The following RNF144A variants were observed in gnomAD, a reference collection of about 807,000 sequenced individuals.
RNF144A encodes the protein E3 ubiquitin-protein ligase RNF144A.
Under a neutral mutation model 38.7 loss-of-function variants are expected in RNF144A, and 11 were observed. The ratio of observed to expected loss-of-function variants is 0.28; its 90% CI spans 0.18 to 0.47. The LOEUF (loss-of-function observed/expected upper bound fraction) is 0.47. Ranked by LOEUF, RNF144A falls within the 20% of genes least tolerant of loss-of-function variation. RNF144A has a pLI of 0.99. For missense variants in RNF144A, 316 were observed against 377.2 expected (o/e 0.84, Z 1.34); for synonymous variants, 149 against 143.9 (o/e 1.04, Z -0.25).
At chr2:6,983,615 C>CA (rs1387523509) in intron 2 of RNF144A, among the ~76,000 whole-genome samples, 1 of 152,156 alleles carries the variant, frequency 6.6e-6, no homozygotes, top group Non-Finnish European at 1.5e-5. Context: ...CCTGACCTCT[C>CA]ACCCACTCTC....
intron 1 of RNF144A, among the ~76,000 whole-genome samples, chr2:6,939,220 A>G (rs1665807438): frequency 6.6e-6 from 1 of 152,146 alleles, no homozygotes; most frequent in Non-Finnish European, 1.5e-5. Context: ...AAGGGTTCAC[A>G]TTTCTCCACA....
intron 2 of RNF144A, among the ~76,000 whole-genome samples, chr2:6,957,858 AG>A (rs1210685693): frequency 6.6e-6 from 1 of 152,212 alleles, no homozygotes; most frequent in Non-Finnish European, 1.5e-5. Flanking sequence ...ATTGCCTTGC[AG>A]GGACTGTGGG....
At chr2:6,923,482 GA>G (rs1664670326) in intron 1 of RNF144A, among the ~76,000 whole-genome samples, 1 of 152,202 alleles carries the variant, frequency 6.6e-6, no homozygotes, top group South Asian at 2.1e-4. Context: ...TTCCAGGGCT[GA>G]TCTCAGCAGC....
At chr2:6,956,816 A>G (rs1306020129) in intron 2 of RNF144A, among the ~76,000 whole-genome samples, 11 of 152,244 alleles carry the variant, frequency 7.2e-5, no homozygotes, top group Admixed American at 7.2e-4. Context: ...TACATATGCT[A>G]CAAAAAATAT....
At chr2:6,919,099 C>A (rs1465526812) in intron 1 of RNF144A, among the ~76,000 whole-genome samples, 1 of 151,624 alleles carries the variant, frequency 6.6e-6, no homozygotes, top group Non-Finnish European at 1.5e-5. Context: ...CTGTGGGAGC[C>A]CCCAGGAGGG....
intron 2 of RNF144A, among the ~76,000 whole-genome samples, chr2:6,973,757 A>T (rs928701463): frequency 7.9e-5 from 12 of 152,214 alleles, no homozygotes; most frequent in Admixed American, 7.2e-4. Context: ...CATATGGTCC[A>T]TGGGCCAAAT....
At chr2:6,963,134 T>C (rs1322080905) in intron 2 of RNF144A, among the ~76,000 whole-genome samples, 1 of 152,180 alleles carries the variant, frequency 6.6e-6, no homozygotes, top group South Asian at 2.1e-4. Context: ...AGAGAGAGAC[T>C]GAGACCTGAA....
At chr2:6,967,029 C>T (rs1016953403) in intron 2 of RNF144A, among the ~76,000 whole-genome samples, 11 of 152,124 alleles carry the variant, frequency 7.2e-5, no homozygotes, top group African/African-American at 1.7e-4. Flanking sequence ...TTACAGCCAT[C>T]GACGCAAACC....
At chr2:7,030,533 G>C (rs1289429701) in intron 8 of RNF144A, among the ~76,000 whole-genome samples, 2 of 152,070 alleles carry the variant, frequency 1.3e-5, no homozygotes, top group South Asian at 2.1e-4. Context: ...ATGACCTGCT[G>C]ACCGTGTTTA....
chr2:7,032,679 C>T (rs1207138740), intron 8 of RNF144A, among the ~76,000 whole-genome samples: 1 of 152,234 alleles, frequency 6.6e-6, no homozygotes, highest in Non-Finnish European at 1.5e-5. Flanking sequence ...TCCAAATCCC[C>T]CCTTTCTATC....
chr2:7,042,151 A>G lies in RNF144A; in HGVS notation c.*2391A>G. ...CATTTCCTATATAAATACCAGCAAG[A>G]TCACTCTGAGATACATAAACTCGCA... On this transcript the variant is annotated 3_prime_UTR_variant, in exon 9 of 9. Transcript: ENST00000320892. 2.0e-6 allele frequency: 2 copies of G among 985,252 alleles called. No homozygotes were observed. Among genetic ancestry groups the G allele is most frequent in the East Asian group, 2.3e-4 (2 of 8,810 alleles). 61.0% of individuals were successfully genotyped at this position (985,252 alleles called of 1,614,324 possible).
chr2:7,018,324 C>A (rs1387348422), intron 5 of RNF144A, among the ~76,000 whole-genome samples: 1 of 152,248 alleles, frequency 6.6e-6, no homozygotes. Context: ...CACTTGCACC[C>A]TCCCGCAGGG....
chr2:6,933,731 G>A (rs905073512), intron 1 of RNF144A, among the ~76,000 whole-genome samples: 1 of 150,106 alleles, frequency 6.7e-6, no homozygotes, highest in Non-Finnish European at 1.5e-5. Context: ...TTAAGTGTGT[G>A]TTCACAGATG....
At chr2:7,063,900 A>G (rs417248) in intron 6 of RNF144A, among the ~76,000 whole-genome samples, 75,400 of 152,064 alleles carry the variant, frequency 0.5, 19,366 homozygotes, top group South Asian at 0.68. Flanking sequence ...CACATAGTGG[A>G]TAATTTATTA....
intron 5 of RNF144A, among the ~76,000 whole-genome samples, chr2:7,018,431 G>A (rs559337082): frequency 2.0e-5 from 3 of 152,336 alleles, no homozygotes; most frequent in South Asian, 2.1e-4. Context: ...GAGGCATCGC[G>A]GGGACGGGAT....
chr2:7,030,005 C>T, intron 7 of RNF144A, 121 bp from the exon 8 acceptor site: 1 of 731,934 alleles, frequency 1.4e-6, no homozygotes, highest in Non-Finnish European at 2.4e-6. Flanking sequence ...TTCCCTGTGT[C>T]ACCTCCCTCA....
rs1464528194 is a variant in RNF144A, at chr2:7,041,825, GAGTC to G, written c.*2068_*2071del. On this transcript the variant is annotated 3_prime_UTR_variant, in exon 9 of 9. Coordinates refer to ENST00000320892, the MANE Select transcript of RNF144A (RefSeq NM_014746.6). ...AGTAGCACCCCCGTCCTTAGGATGA[GAGTC>G]AGAGCCTTTGGAAAGGCTGCATCCC... The G allele has an allele frequency of 1.0e-6, 1 of 985,368 alleles. No individual in the cohort carries two copies. The highest frequency in any genetic ancestry group is 1.7e-5 in the African/African-American group (1 of 57,234). The allele number at this position is 985,368 out of a possible 1,614,324, so 61.0% of individuals were successfully genotyped here. A position where few individuals can be genotyped will look rare whatever the true frequency, so the allele number is the denominator to read the frequency against.
In RNF144A at chr2:7,042,656, A is replaced by G. The variant is rs1673119420; in HGVS notation, c.*2896A>G. The G allele has an allele frequency of 2.0e-6, 2 of 985,388 alleles. No homozygotes were observed. The highest frequency in any genetic ancestry group is 6.1e-5 in the Admixed American group (1 of 16,274). The allele number at this position is 985,388 out of a possible 1,614,324, so 61.0% of individuals were successfully genotyped here. Reference sequence around the variant, plus strand: ...TCAGTCTGGCTCTGCTGTGTAGTCCATAGCCCAGCCAGATGAGCTTGCAGC... The same window carrying G: ...TCAGTCTGGCTCTGCTGTGTAGTCCGTAGCCCAGCCAGATGAGCTTGCAGC... On this transcript the variant is annotated 3_prime_UTR_variant, in exon 9 of 9. Transcript: ENST00000320892.
chr2:7,005,790 A>C (rs1174499528), intron 3 of RNF144A, among the ~76,000 whole-genome samples: 1 of 152,138 alleles, frequency 6.6e-6, no homozygotes, highest in Non-Finnish European at 1.5e-5. Flanking sequence ...AAACCTGTGA[A>C]ATAGGCAGGA....
Sources: allele counts gnomAD v4.1 joint callset (sites outside exome capture counted in the v4.1 genomes callset), GRCh38; gene constraint gnomAD v4.1.1; transcripts MANE v1.5; gene names NCBI Gene and HGNC (gene_info 2026-07-23, HGNC 2026-07-21).